Variants in TTC34 observed in about 807,000 individuals in gnomAD.
TTC34 encodes the protein tetratricopeptide repeat domain 34, also known as tetratricopeptide repeat protein 34.
Under a neutral mutation model 40.7 loss-of-function variants are expected in TTC34, and 44 were observed. That is an observed-to-expected ratio of 1.08 (90% CI 0.85 to 1.39). The LOEUF is 1.39. Ranked by LOEUF, TTC34 falls within the 40% of genes most tolerant of loss-of-function variation. The pLI is 0.00. For missense variants in TTC34, 884 were observed against 838.0 expected (o/e 1.05, Z -0.68); for synonymous variants, 422 against 398.6 (o/e 1.06, Z -0.70).
At chr1:2,649,322 A>G (rs1639080093) in intron 6 of TTC34, among the ~76,000 whole-genome samples, 1 of 151,462 alleles carries the variant, frequency 6.6e-6, no homozygotes, top group Admixed American at 6.6e-5. Flanking sequence ...AGGAATGACA[A>G]CCCACATAAG....
At chr1:2,750,545 G>A (rs1641281706) in intron 6 of TTC34, among the ~76,000 whole-genome samples, 1 of 150,512 alleles carries the variant, frequency 6.6e-6, no homozygotes, top group Non-Finnish European at 1.5e-5. Context: ...GCATCCGACA[G>A]CCTGGGGCAG....
chr1:2,787,454 CCT>C (rs1643604980), intron 4 of TTC34, 25 bp downstream of exon 4: 6 of 1,449,466 alleles, frequency 4.1e-6, no homozygotes, highest in Non-Finnish European at 4.6e-6. Context: ...TTCCACCTGC[CCT>C]CTGTCACCCC....
intron 6 of TTC34, among the ~76,000 whole-genome samples, chr1:2,647,644 T>C (rs933663673): frequency 6.6e-6 from 1 of 151,372 alleles, no homozygotes; most frequent in African/African-American, 2.4e-5. Context: ...TTCTAGAAAA[T>C]TTTTTTTTCT....
chr1:2,654,228 C>A (rs201251730), intron 6 of TTC34, among the ~76,000 whole-genome samples: 271 of 4,686 alleles, frequency 0.058, no homozygotes, highest in Non-Finnish European at 0.11. Flanking sequence ...GAGCATCTGA[C>A]AGCCTGGAGC....
In TTC34 at chr1:2,750,309, G is replaced by C. The variant is rs1287691310; in HGVS notation, c.2226+33300C>G. Among the ~76,000 whole-genome samples the C allele has an allele frequency of 7.1e-5, 6 of 84,884 alleles. 2 individuals are homozygous for C. The highest frequency in any genetic ancestry group is 2.9e-4 in the African/African-American group (5 of 17,350). 55.7% of individuals were successfully genotyped at this position (84,884 alleles called of 152,430 possible). On this transcript the variant is annotated intron_variant, in intron 6 of 8. Transcript: ENST00000401095. ...CCCCAGGTGAGCATCTGACAGACTG[G>C]AACTGCACCCCCATGCCCAGGTGAG...
At chr1:2,642,327 G>C (rs1638924641) in intron 8 of TTC34, among the ~76,000 whole-genome samples, 1 of 152,136 alleles carries the variant, frequency 6.6e-6, no homozygotes, top group Admixed American at 6.5e-5. Flanking sequence ...GGTCCCTCTG[G>C]GCCAAGTCAC....
intron 6 of TTC34, among the ~76,000 whole-genome samples, chr1:2,750,681 CTG>C (rs1569690488): frequency 2.4e-5 from 3 of 127,356 alleles, no homozygotes; most frequent in Admixed American, 8.3e-5. Context: ...GAACAGCACC[CTG>C]CACCCCCAAG....
chr1:2,685,234 C>G (rs1323036391), intron 6 of TTC34, among the ~76,000 whole-genome samples: 5 of 64,196 alleles, frequency 7.8e-5, no homozygotes, highest in South Asian at 9.8e-4. Flanking sequence ...GAGCAGCACC[C>G]ACACCCCAGG....
chr1:2,750,222 T>C (rs1641269896), intron 6 of TTC34, among the ~76,000 whole-genome samples: 11 of 134,322 alleles, frequency 8.2e-5, no homozygotes, highest in East Asian at 5.1e-4. Context: ...GCGCATCTGA[T>C]GGTCTGGAGC....
At chr1:2,747,926 T>G (rs1261207039) in intron 6 of TTC34, among the ~76,000 whole-genome samples, 1 of 65,858 alleles carries the variant, frequency 1.5e-5, no homozygotes, top group Non-Finnish European at 2.6e-5. Flanking sequence ...CACCCCAAGG[T>G]GAGCATCTGA....
At chr1:2,682,713 A>AG (rs1251373040) in intron 6 of TTC34, among the ~76,000 whole-genome samples, 73 of 133,340 alleles carry the variant, frequency 5.5e-4, no homozygotes, top group Admixed American at 1.1e-3. Context: ...CCACACACCC[A>AG]GGTGAGCAAC....
chr1:2,677,892 C>G lies in TTC34; in HGVS notation c.2227-32329G>C, dbSNP rs1223059734. Among the ~76,000 whole-genome samples, 18 of 34,028 alleles carry G rather than the reference C, an allele frequency of 5.3e-4. 7 individuals carry two copies. The highest frequency in any genetic ancestry group is 3.4e-3 in the East Asian group (2 of 590). 22.3% of individuals were successfully genotyped at this position (34,028 alleles called of 152,430 possible). On this transcript the variant is annotated intron_variant, in intron 6 of 8. Transcript: ENST00000401095. ...AGACAGCCTGGAACCGCAGCCACAC[C>G]CCCAGGCGAGCATCTGACAGCCTGG...
Position 2,786,040 on chromosome 1 carries a change from G to A in TTC34, c.1855-17C>T. Reference sequence around the variant, plus strand: ...CTTCACCAACTGCAAGGGTGCCACAGTCACTGCCCATGCCCTTGGGACCGA... The same window carrying A: ...CTTCACCAACTGCAAGGGTGCCACAATCACTGCCCATGCCCTTGGGACCGA... On this transcript the variant is annotated splice_polypyrimidine_tract_variant and intron_variant, in intron 4 of 8. Transcript: ENST00000401095. The A allele has an allele frequency of 1.4e-6, 2 of 1,453,840 alleles. No homozygotes were observed. The highest frequency in any genetic ancestry group is 1.8e-6 in the Non-Finnish European group (2 of 1,095,118). 90.1% of individuals were successfully genotyped at this position (1,453,840 alleles called of 1,614,324 possible).
Position 2,685,169 on chromosome 1 carries a change from G to GC in TTC34, c.2227-39607dup, listed in dbSNP as rs550287438. On this transcript the variant is annotated intron_variant, in intron 6 of 8. Transcript: ENST00000401095. Reference sequence around the variant, plus strand: ...GAACAGCACCCACAACCCCACGTGAGCATCTGACTGCCTGGAACAGCACCC... The same window carrying GC: ...GAACAGCACCCACAACCCCACGTGAGCCATCTGACTGCCTGGAACAGCACCC... Among the ~76,000 whole-genome samples the GC allele has an allele frequency of 2.6e-3, 376 of 143,160 alleles. 30 individuals are homozygous for GC. The highest frequency in any genetic ancestry group is 0.011 in the Middle Eastern group (3 of 270). 93.9% of individuals were successfully genotyped at this position (143,160 alleles called of 152,430 possible). A position where few individuals can be genotyped will look rare whatever the true frequency, so the allele number is the denominator to read the frequency against.
Position 2,785,945 on chromosome 1 carries a change from G to A in TTC34, c.1933C>T (p.Gln645Ter), listed in dbSNP as rs1313977026. Residue 645 changes from glutamine (Q) to a stop codon, truncating the protein, a stop_gained, in exon 5 of 9, where the codon CAG (glutamine) becomes TAG (stop). Coordinates refer to ENST00000401095, the Ensembl canonical transcript of TTC34. LOFTEE classifies it high-confidence loss of function. ...GCGTGGCAGTGGCCTTGAAGCAGCT[G>A]CCGGTCCTCGTGGCAGAAGACGTCC... The A allele has an allele frequency of 2.0e-6, 3 of 1,525,216 alleles. No homozygotes were observed. The highest frequency in any genetic ancestry group is 2.7e-6 in the Non-Finnish European group (3 of 1,131,404). The allele number at this position is 1,525,216 out of a possible 1,614,324, so 94.5% of individuals were successfully genotyped here.
intron 2 of TTC34, among the ~76,000 whole-genome samples, chr1:2,792,033 T>TTTTTTTTTTTTTTAAAGACA (rs1553171534): frequency 9.3e-6 from 1 of 107,104 alleles, no homozygotes; most frequent in Non-Finnish European, 1.8e-5. Flanking sequence ...TTTTTTTTTT[T>TTTTTTTTTTTTTTAAAGACA]AAAGACAGGG....
chr1:2,691,644 G>T lies in TTC34; in HGVS notation c.2227-46081C>A, dbSNP rs1388770299. Among the ~76,000 whole-genome samples, 26 of 109,564 alleles carry T rather than the reference G, an allele frequency of 2.4e-4. 1 individual carries two copies. Among genetic ancestry groups the T allele is most frequent in the East Asian group, 7.9e-4 (3 of 3,802 alleles). The allele number at this position is 109,564 out of a possible 152,430, so 71.9% of individuals were successfully genotyped here. A position where few individuals can be genotyped will look rare whatever the true frequency, so the allele number is the denominator to read the frequency against. The stretch of plus-strand genomic sequence containing the variant: ...TGCACCCCCAGGTGCGCACGTGACA[G>T]CCTGGAACAGCACCGACACCCCCAG... On this transcript the variant is annotated intron_variant, in intron 6 of 8. Transcript: ENST00000401095.
intron 6 of TTC34, among the ~76,000 whole-genome samples, chr1:2,754,738 C>A (rs1217225107): frequency 0.08 from 4,620 of 57,912 alleles, no homozygotes; most frequent in African/African-American, 0.16. Flanking sequence ...AGCACCCACA[C>A]CCCCAGGTGC....
intron 6 of TTC34, among the ~76,000 whole-genome samples, chr1:2,688,655 A>G (rs1237604151): frequency 1.6e-5 from 2 of 126,346 alleles, no homozygotes; most frequent in Non-Finnish European, 3.2e-5. Flanking sequence ...CCACAACCAC[A>G]GGTGAGCCTC....
Sources: gnomAD v4.1 joint callset for allele counts (sites outside exome capture counted in the v4.1 genomes callset) on GRCh38, gnomAD v4.1.1 for gene constraint, MANE v1.5 for transcripts, NCBI Gene and HGNC (gene_info 2026-07-23, HGNC 2026-07-21) for gene names.